The following C16orf96 variants were observed in gnomAD, a reference collection of about 807,000 sequenced individuals.
C16orf96 encodes uncharacterized protein C16orf96.
C16orf96 carries 108 observed loss-of-function variants against 103.6 expected under a neutral mutation model. That is an observed-to-expected ratio of 1.04 (90% confidence interval 0.89 to 1.22). C16orf96 has a LOEUF of 1.22. Among genes scored for constraint, C16orf96 ranks in the 50% most tolerant of loss-of-function variants. C16orf96 has a pLI of 0.00. For missense variants in C16orf96, 1,586 were observed against 1,464.2 expected (o/e 1.08, Z -1.36); for synonymous variants, 566 against 593.5 (o/e 0.95, Z 0.67).
the C16orf96 span, among the ~76,000 whole-genome samples, chr16:4,540,068 C>G: frequency 6.6e-6 from 1 of 152,190 alleles, no homozygotes; most frequent in African/African-American, 2.4e-5. Context: ...TAAACTCTTT[C>G]TCTATTGCAG....
In C16orf96 at chr16:4,573,532, C is replaced by A. The variant is rs569298153; in HGVS notation, c.526-1177C>A. ...TTTTGGGAGGCTGAGGTGGGCAGAT[C>A]ACAAGGTCAGGAGATCGAGACCATC... is the stretch of plus-strand genomic sequence containing the variant. On this transcript the variant is annotated intron_variant, in intron 2 of 15. Coordinates refer to ENST00000444310, the MANE Select transcript of C16orf96 (RefSeq NM_001145011.2). Among the ~76,000 whole-genome samples, 61 of 149,818 alleles carry A rather than the reference C, an allele frequency of 4.1e-4. 1 individual carries two copies. Among genetic ancestry groups the A allele is most frequent in the Non-Finnish European group, 6.6e-4 (45 of 67,734 alleles).
intron 9 of C16orf96, among the ~76,000 whole-genome samples, chr16:4,590,331 G>C (rs1400977297): frequency 6.6e-6 from 1 of 151,758 alleles, no homozygotes; most frequent in Non-Finnish European, 1.5e-5. Context: ...GGCAGAGATG[G>C]GTGGATCACT....
chr16:4,574,457 A>G (rs2059476308), intron 2 of C16orf96, among the ~76,000 whole-genome samples: 1 of 151,424 alleles, frequency 6.6e-6, no homozygotes, highest in African/African-American at 2.4e-5. Context: ...CCTGACCTCA[A>G]GTTATCCACC....
chr16:4,539,023 G>GCATCTTCCT, the C16orf96 span, among the ~76,000 whole-genome samples: 175 of 152,328 alleles, frequency 1.1e-3, no homozygotes, highest in Admixed American at 2.0e-3. Context: ...ACAGGGCAGG[G>GCATCTTCCT]CATCTTCCTC....
chr16:4,595,514 G>T (rs1413037595), intron 14 of C16orf96, among the ~76,000 whole-genome samples: 1 of 152,218 alleles, frequency 6.6e-6, no homozygotes, highest in African/African-American at 2.4e-5. Context: ...CCATCACTGG[G>T]TTCGAAGGAC....
At chr16:4,579,758 C>T (rs2059560595) in intron 6 of C16orf96, among the ~76,000 whole-genome samples, 1 of 152,004 alleles carries the variant, frequency 6.6e-6, no homozygotes, top group Non-Finnish European at 1.5e-5. Context: ...ATTACAGGGG[C>T]CCGCCACCAC....
chr16:4,548,627 C>T, the C16orf96 span, among the ~76,000 whole-genome samples: 3 of 152,172 alleles, frequency 2.0e-5, no homozygotes, highest in African/African-American at 7.2e-5. Flanking sequence ...AATCCCAGCC[C>T]TCTGGGAGGC....
chr16:4,591,660 T>C lies in C16orf96; in HGVS notation c.2593-6T>C. The stretch of plus-strand genomic sequence containing the variant: ...TCTTTCTTATCTTCCCCTTGGCTGT[T>C]GGCAGTTAGTCCACAGTGATCTGGA... On this transcript the variant is annotated splice_polypyrimidine_tract_variant and splice_region_variant and intron_variant, in intron 9 of 15. Coordinates refer to ENST00000444310, the MANE Select transcript of C16orf96 (RefSeq NM_001145011.2). 1.3e-6 allele frequency: 2 copies of C among 1,547,150 alleles called. No individual in the cohort carries two copies. Among genetic ancestry groups the C allele is most frequent in the Non-Finnish European group, 1.7e-6 (2 of 1,142,932 alleles).
intron 5 of C16orf96, among the ~76,000 whole-genome samples, chr16:4,577,881 C>T (rs1465999101): frequency 6.6e-6 from 1 of 152,040 alleles, no homozygotes; most frequent in Non-Finnish European, 1.5e-5. Context: ...ACTTTGAACC[C>T]GGGAGGCAGA....
At chr16:4,557,507 A>C (rs1184028699) in intron 1 of C16orf96, among the ~76,000 whole-genome samples, 2 of 152,158 alleles carry the variant, frequency 1.3e-5, no homozygotes, top group Non-Finnish European at 2.9e-5. Flanking sequence ...GGCTTGGAGG[A>C]GGAGAGAATG....
the C16orf96 span, among the ~76,000 whole-genome samples, chr16:4,540,131 A>C: frequency 3.3e-5 from 5 of 152,292 alleles, no homozygotes; most frequent in African/African-American, 1.2e-4. Flanking sequence ...AGAAGAACCC[A>C]CTGGGTGGCT....
At chr16:4,587,243 GC>G in intron 8 of C16orf96, 130 bp downstream of exon 8, 1 of 882,676 alleles carries the variant, frequency 1.1e-6, no homozygotes, top group Non-Finnish European at 1.8e-6. Flanking sequence ...CCAGGAGTTG[GC>G]TGGGCGCAGT....
chr16:4,588,544 C>T (rs1896982714), intron 9 of C16orf96, among the ~76,000 whole-genome samples: 1 of 152,104 alleles, frequency 6.6e-6, no homozygotes. Context: ...GCTGGATGAG[C>T]CAATTCAAAG....
At chr16:4,542,904 CAG>C in the C16orf96 span, among the ~76,000 whole-genome samples, 4 of 152,106 alleles carry the variant, frequency 2.6e-5, no homozygotes, top group Non-Finnish European at 4.4e-5. Context: ...AGTCACATTT[CAG>C]GGGCTCAGTA....
intron 1 of C16orf96, among the ~76,000 whole-genome samples, chr16:4,570,717 T>C (rs565399152): frequency 6.6e-6 from 1 of 152,168 alleles, no homozygotes; most frequent in South Asian, 2.1e-4. Flanking sequence ...CTGCCTGACT[T>C]GGTCTCCCAA....
chr16:4,576,148 T>A lies in C16orf96; in HGVS notation c.1668T>A (p.Ala556=). 6.4e-7 allele frequency: 1 copy of A among 1,551,214 alleles called. No homozygotes were observed. The highest frequency in any genetic ancestry group is 8.7e-7 in the Non-Finnish European group (1 of 1,146,968). Residue 556 remains alanine (A), a synonymous_variant, in exon 5 of 16, where the codon GCT becomes GCA. Coordinates refer to ENST00000444310, the MANE Select transcript of C16orf96 (RefSeq NM_001145011.2). Reference sequence around the variant, plus strand: ...CCCCCAAGGAAGCACAGCCTAAGGCTCCCCAGTCTGCCCTTCACCGGCTGA... The same window carrying A: ...CCCCCAAGGAAGCACAGCCTAAGGCACCCCAGTCTGCCCTTCACCGGCTGA... ...DGAPKEAQPK[A]PQSALHRLKT...
Position 4,576,252 on chromosome 16 carries a change from T to C in C16orf96, c.1772T>C (p.Val591Ala). The change falls in exon 5 of 16, where the codon GTT (valine) becomes GCT (alanine). Residue 591 changes from valine (V) to alanine (A), a missense_variant. Physicochemically the swap from Val to Ala is moderately conservative, Grantham distance 64. Transcript: ENST00000444310. ...TCCTCCGCTGCCCAGGCAGCCAAAG[T>C]TGCTGCCAAGTTTGTCAAGGATGCC... ...ATSSAAQAAK[V>A]AAKFVKDAPA... is the part of the protein sequence containing the mutation. 1 of 1,550,814 alleles carries C rather than the reference T, an allele frequency of 6.4e-7. No homozygotes were observed. Among genetic ancestry groups the C allele is most frequent in the Non-Finnish European group, 8.7e-7 (1 of 1,146,996 alleles).
chr16:4,564,479 C>CTGTATAT (rs1459141859), intron 1 of C16orf96, among the ~76,000 whole-genome samples: 1 of 152,178 alleles, frequency 6.6e-6, no homozygotes, highest in Non-Finnish European at 1.5e-5. Flanking sequence ...AAAGCACCTG[C>CTGTATAT]TGTATATTGT....
chr16:4,593,703 C>T lies in C16orf96; in HGVS notation c.2867+387C>T, dbSNP rs1031471460. Among the ~76,000 whole-genome samples the T allele has an allele frequency of 1.3e-5, 2 of 152,128 alleles. No individual in the cohort carries two copies. Among genetic ancestry groups the T allele is most frequent in the South Asian group, 2.1e-4 (1 of 4,826 alleles). On this transcript the variant is annotated intron_variant, in intron 12 of 15. Coordinates refer to ENST00000444310, the MANE Select transcript of C16orf96 (RefSeq NM_001145011.2). This position sits in a 1 kb window ranked among gnomAD's most constrained non-coding sequence, Gnocchi z 4.2. ...TGTGCCCGGCAGGCACTGTGCCAAG[C>T]GCTGGGGCTCACCTGGCCTTGTTGA...
Sources: allele counts gnomAD v4.1 joint callset (sites outside exome capture counted in the v4.1 genomes callset), GRCh38; gene constraint gnomAD v4.1.1; non-coding constraint Gnocchi (gnomAD v3.1); transcripts MANE v1.5; gene names NCBI Gene and HGNC (gene_info 2026-07-23, HGNC 2026-07-21).